Variants in DIS3L2 observed in about 807,000 individuals in gnomAD.
DIS3L2 encodes DIS3-like exonuclease 2.
Under a neutral mutation model 97.5 loss-of-function variants are expected in DIS3L2, and 34 were observed. The observed-to-expected ratio is 0.35, with a 90% CI of 0.27 to 0.46. DIS3L2 has a LOEUF of 0.46. Among genes scored for constraint, DIS3L2 ranks in the 20% least tolerant of loss-of-function variants. DIS3L2 has a pLI of 1.00. For synonymous variants in DIS3L2, 435 were observed against 445.2 expected, an observed-to-expected ratio of 0.98 and a Z score of 0.29; for missense variants, 1,038 against 1,146.0, an observed-to-expected ratio of 0.91 and a Z score of 1.36.
chr2:232,334,898 G>A, intron 19 of DIS3L2, 163 bp downstream of exon 19: 1 of 619,838 alleles, frequency 1.6e-6, no homozygotes, highest in Admixed American at 3.0e-5. Flanking sequence ...TCCCACCTGG[G>A]ATGGTGGCTC....
At chr2:232,016,579 G>A (rs1278346693) in intron 3 of DIS3L2, among the ~76,000 whole-genome samples, 1 of 152,130 alleles carries the variant, frequency 6.6e-6, no homozygotes, top group Non-Finnish European at 1.5e-5. Flanking sequence ...TGATATGTGT[G>A]TGGGAGGTAT....
Position 232,140,258 on chromosome 2 carries a change from G to A in DIS3L2, c.950+3539G>A, listed in dbSNP as rs868557803. Among the ~76,000 whole-genome samples the A allele has an allele frequency of 1.1e-4, 17 of 152,256 alleles. No homozygotes were observed. The South Asian group carries it at 2.1e-3, about 19-fold the overall frequency. ...TTGACTCACAGGCCTCCCTTCTGGT[G>A]CTCCCATAGCTTCTATTAGTACTAT... On this transcript the variant is annotated intron_variant, in intron 8 of 20. Coordinates refer to ENST00000325385, the MANE Select transcript of DIS3L2 (RefSeq NM_152383.5).
intron 12 of DIS3L2, among the ~76,000 whole-genome samples, chr2:232,250,149 A>C (rs1260474684): frequency 6.6e-6 from 1 of 152,168 alleles, no homozygotes; most frequent in African/African-American, 2.4e-5. Context: ...TTCTCAGTGG[A>C]ATATATGCAG....
rs1430111778 is a variant in DIS3L2, at chr2:232,336,612, G to A, written c.2640G>A (p.Glu880=). The A allele has an allele frequency of 1.9e-6, 3 of 1,606,168 alleles. No homozygotes were observed. Among genetic ancestry groups the A allele is most frequent in the East Asian group, 4.5e-5 (2 of 44,784 alleles). ...KEEEESDGEP[E]DSSTS is the part of the protein sequence containing the mutation. Reference sequence around the variant, plus strand: ...AGGAGGAGTCTGACGGTGAGCCCGAGGACTCAAGCACCAGCTGAGCTCCAC... The same window carrying A: ...AGGAGGAGTCTGACGGTGAGCCCGAAGACTCAAGCACCAGCTGAGCTCCAC... Residue 880 remains glutamate, a synonymous_variant, in exon 21 of 21, where the codon GAG becomes GAA. Coordinates refer to ENST00000325385, the MANE Select transcript of DIS3L2 (RefSeq NM_152383.5).
intron 13 of DIS3L2, among the ~76,000 whole-genome samples, chr2:232,277,621 AT>A (rs1449535405): frequency 6.6e-6 from 1 of 152,138 alleles, no homozygotes; most frequent in Non-Finnish European, 1.5e-5. Flanking sequence ...GAGTAATAAC[AT>A]TTTTCTATAT....
Position 232,181,805 on chromosome 2 carries a change from TTTTG to T in DIS3L2, c.1124+18193_1124+18196del, listed in dbSNP as rs145378684. Among the ~76,000 whole-genome samples the T allele has an allele frequency of 1.4e-3, 213 of 151,760 alleles. 2 individuals carry two copies. The highest frequency in any genetic ancestry group is 4.1e-3 in the African/African-American group (170 of 41,394). On this transcript the variant is annotated intron_variant, in intron 9 of 20. Coordinates refer to ENST00000325385, the MANE Select transcript of DIS3L2 (RefSeq NM_152383.5). ...GCGTGCATCATCACACCCAGCTAATTTTTGTTTGTTTGTTTGTTTGTTTTTTAGT... is the reference window on the plus strand; with the variant it reads ...GCGTGCATCATCACACCCAGCTAATTTTTGTTTGTTTGTTTGTTTTTTAGT...
chr2:232,048,489 T>C (rs1017109514), intron 5 of DIS3L2, among the ~76,000 whole-genome samples: 6 of 152,106 alleles, frequency 3.9e-5, no homozygotes, highest in Non-Finnish European at 8.8e-5. Context: ...TCCCAGCACT[T>C]TGGGAGGCCG....
Position 232,078,005 on chromosome 2 carries a change from C to CTTTT in DIS3L2, c.367-9479_367-9478insTTTT, listed in dbSNP as rs1178708123. Among the ~76,000 whole-genome samples, 140 of 119,146 alleles carry CTTTT rather than the reference C, an allele frequency of 1.2e-3. 4 individuals are homozygous for CTTTT. The highest frequency in any genetic ancestry group is 2.1e-3 in the Admixed American group (24 of 11,414). 78.2% of individuals were successfully genotyped at this position (119,146 alleles called of 152,430 possible). On this transcript the variant is annotated intron_variant, in intron 5 of 20. Coordinates refer to ENST00000325385, the MANE Select transcript of DIS3L2 (RefSeq NM_152383.5). Reference sequence around the variant, plus strand: ...TCTTTCTTTCTTTCTTTCTTTCTTTCTTTCTTTCTTTCTTTTTCTCTTTCT... The same window carrying CTTTT: ...TCTTTCTTTCTTTCTTTCTTTCTTTCTTTTTTTCTTTCTTTCTTTTTCTCTTTCT...
chr2:232,096,232 G>T (rs1043901123), intron 6 of DIS3L2, among the ~76,000 whole-genome samples: 16 of 151,786 alleles, frequency 1.1e-4, no homozygotes, highest in African/African-American at 3.4e-4. Flanking sequence ...GACTACAGGC[G>T]CCCGCCACCA....
At chr2:232,241,215 C>G (rs1693071768) in intron 11 of DIS3L2, among the ~76,000 whole-genome samples, 1 of 152,234 alleles carries the variant, frequency 6.6e-6, no homozygotes, top group Admixed American at 6.5e-5. Context: ...GCTGTTTTCA[C>G]TTTACTTTGC....
chr2:232,334,421 C>T lies in DIS3L2; in HGVS notation c.2211C>T (p.Asp737=), dbSNP rs775367643. The T allele has an allele frequency of 1.9e-6, 3 of 1,613,682 alleles. No homozygotes were observed. The highest frequency in any genetic ancestry group is 3.3e-5 in the Admixed American group (2 of 60,006). ...CCGATACCCTGCAGAAACAGGCGGA[C>T]CACTGTAACGACCGCCGCATGGCGT... is the stretch of plus-strand genomic sequence containing the variant. ...MAPDTLQKQA[D]HCNDRRMASK... Residue 737 remains aspartate, a synonymous_variant, in exon 18 of 21, where the codon GAC becomes GAT. Coordinates refer to ENST00000325385, the MANE Select transcript of DIS3L2 (RefSeq NM_152383.5).
chr2:232,170,303 G>A (rs2106170889), intron 9 of DIS3L2, among the ~76,000 whole-genome samples: 1 of 152,160 alleles, frequency 6.6e-6, no homozygotes, highest in Non-Finnish European at 1.5e-5. Flanking sequence ...AAGCCTAAAA[G>A]CTCAATTAAA....
intron 5 of DIS3L2, among the ~76,000 whole-genome samples, chr2:232,055,712 A>G (rs1171729542): frequency 6.6e-6 from 1 of 152,228 alleles, no homozygotes; most frequent in African/African-American, 2.4e-5. Flanking sequence ...AAACTGCCCA[A>G]CATCAAGACT....
chr2:231,989,339 T>TTGTG (rs59088969), intron 1 of DIS3L2, among the ~76,000 whole-genome samples: 15,690 of 146,664 alleles, frequency 0.11, 975 homozygotes, highest in African/African-American at 0.18. Context: ...GTCAGTATAA[T>TTGTG]TGTGTGTGTG....
intron 1 of DIS3L2, 82 bp from the exon 2 acceptor site, chr2:232,014,753 C>T: frequency 1.8e-6 from 1 of 571,328 alleles, no homozygotes. Flanking sequence ...TTGCCTTTGC[C>T]ATTGAACTAC....
chr2:232,148,748 C>CTTTTTTTTTTTTTTTTT (rs34837114), intron 8 of DIS3L2, among the ~76,000 whole-genome samples: 3 of 98,896 alleles, frequency 3.0e-5, no homozygotes, highest in African/African-American at 7.8e-5. Flanking sequence ...AATTTTCTTT[C>CTTTTTTTTTTTTTTTTT]TTTTTTTTTT....
chr2:232,251,449 G>C (rs1029740339), intron 12 of DIS3L2, among the ~76,000 whole-genome samples: 1 of 152,076 alleles, frequency 6.6e-6, no homozygotes, highest in Non-Finnish European at 1.5e-5. Flanking sequence ...AGACAGAAAA[G>C]ACAAAAAATT....
At chr2:232,229,643 G>C (rs1692739345) in intron 10 of DIS3L2, among the ~76,000 whole-genome samples, 1 of 152,158 alleles carries the variant, frequency 6.6e-6, no homozygotes, top group Non-Finnish European at 1.5e-5. Flanking sequence ...TTACTACCTG[G>C]GTGTTCCTCA....
chr2:232,024,133 C>T, intron 3 of DIS3L2, 144 bp from the exon 4 acceptor site: 3 of 545,402 alleles, frequency 5.5e-6, no homozygotes, highest in Non-Finnish European at 9.7e-6. Flanking sequence ...GTGTTTCCTG[C>T]ATTTAATGAA....
Sources: gnomAD v4.1 joint callset for allele counts (sites outside exome capture counted in the v4.1 genomes callset) on GRCh38, gnomAD v4.1.1 for gene constraint, MANE v1.5 for transcripts, NCBI Gene and HGNC (gene_info 2026-07-23, HGNC 2026-07-21) for gene names.